The following DPPA4 variants were observed in gnomAD, a reference collection of about 807,000 sequenced individuals.
The protein encoded by DPPA4 is developmental pluripotency associated 4, also known as developmental pluripotency-associated protein 4.
A neutral mutation model predicts 33.7 loss-of-function variants in DPPA4; 22 were observed. That is an observed-to-expected ratio of 0.65 (90% CI 0.47 to 0.93). The LOEUF (loss-of-function observed/expected upper bound fraction) is 0.93. Ranked by LOEUF, DPPA4 falls within the 40% of genes least tolerant of loss-of-function variation. DPPA4 has a pLI of 0.00. For missense variants in DPPA4, 340 were observed against 358.6 expected (o/e 0.95, Z 0.42); for synonymous variants, 156 against 132.3 (o/e 1.18, Z -1.23).
intron 1 of DPPA4, among the ~76,000 whole-genome samples, chr3:109,336,723 A>C (rs1475275726): frequency 2.6e-5 from 4 of 152,030 alleles, no homozygotes; most frequent in Non-Finnish European, 5.9e-5. Context: ...TCAAAACAGA[A>C]AACCCGGGCC....
intron 4 of DPPA4, among the ~76,000 whole-genome samples, 170 bp downstream of exon 4, chr3:109,331,564 A>AAAAAAAAAAAAAAAAAAAG (rs1559708949): frequency 1.9e-5 from 2 of 106,108 alleles, no homozygotes; most frequent in Non-Finnish European, 1.9e-5. Flanking sequence ...AAAAAAAAAA[A>AAAAAAAAAAAAAAAAAAAG]AAAGAAAGAA....
rs16834356 is a variant in DPPA4 at position 109,330,660 on chromosome 3, A to G, written c.543T>C (p.Asn181=). The G allele has an allele frequency of 1.5e-3, 2,435 of 1,614,070 alleles. 36 individuals carry two copies. In the African/African-American group the frequency reaches 0.027, roughly 18 times the overall value. The change falls in exon 5 of 7, where the codon AAT becomes AAC. Residue 181 remains asparagine, a synonymous_variant. Coordinates refer to ENST00000335658, the MANE Select transcript of DPPA4 (RefSeq NM_018189.4). ...TAACTCCCTCAAGGAGAGCAGTGGA[A>G]TTTTCCAGGGCAGGCGGCTCCCCCA... is the stretch of plus-strand genomic sequence containing the variant. ...PPVGEPPALE[N]STALLEGVNT... is the part of the protein sequence containing the mutation.
chr3:109,330,673 G>A lies in DPPA4; in HGVS notation c.530C>T (p.Pro177Leu). ...EVALPPVGEP[P>L]ALENSTALLE... ...GAGAGCAGTGGAATTTTCCAGGGCA[G>A]GCGGCTCCCCCACAGGAGGAAGAGC... The change falls in exon 5 of 7, where the codon CCT becomes CTT. Residue 177 changes from proline (P) to leucine (L), a missense_variant. Pro to Leu is a moderately conservative substitution (Grantham distance 98, BLOSUM62 -3). Around this residue, in one of 3 missense-constraint regions of DPPA4, gnomAD observed 212 missense variants for 206.5 expected, o/e 1.03. Transcript: ENST00000335658. 3.7e-6 allele frequency: 6 copies of A among 1,614,198 alleles called. No homozygotes were observed. Among genetic ancestry groups the A allele is most frequent in the South Asian group, 3.3e-5 (3 of 91,086 alleles).
At position 109,330,660 on chromosome 3, in the gene DPPA4, A is replaced by C. The variant is rs16834356; in HGVS notation, c.543T>G (p.Asn181Lys). 1 of 1,614,070 alleles carries C rather than the reference A, an allele frequency of 6.2e-7. No individual in the cohort carries two copies. The highest frequency in any genetic ancestry group is 8.5e-7 in the Non-Finnish European group (1 of 1,180,020). Residue 181 changes from asparagine to lysine, a missense_variant, in exon 5 of 7, where the codon AAT becomes AAG. Physicochemically the swap from Asn to Lys is moderately conservative, Grantham distance 94. Transcript: ENST00000335658. ...PPVGEPPALE[N>K]STALLEGVNT... is the part of the protein sequence containing the mutation. The stretch of plus-strand genomic sequence containing the variant: ...TAACTCCCTCAAGGAGAGCAGTGGA[A>C]TTTTCCAGGGCAGGCGGCTCCCCCA...
chr3:109,328,071 T>C (rs1707976291), intron 6 of DPPA4, 47 bp from the exon 7 acceptor site: 3 of 1,272,120 alleles, frequency 2.4e-6, no homozygotes, highest in Non-Finnish European at 3.4e-6. Flanking sequence ...TGAAGAAATA[T>C]TAAAAATAGC....
At position 109,330,665 on chromosome 3, in the gene DPPA4, C is replaced by T. The variant is rs769774536; in HGVS notation, c.538G>A (p.Glu180Lys). ...LPPVGEPPALENSTALLEGVN... is the reference protein window; with the variant it reads ...LPPVGEPPALKNSTALLEGVN... ...CCCTCAAGGAGAGCAGTGGAATTTTCCAGGGCAGGCGGCTCCCCCACAGGA... is the reference window on the plus strand; with the variant it reads ...CCCTCAAGGAGAGCAGTGGAATTTTTCAGGGCAGGCGGCTCCCCCACAGGA... The change falls in exon 5 of 7, where the codon GAA becomes AAA. Residue 180 changes from glutamate (E) to lysine (K), a missense_variant. By Grantham distance (56) the Glu-to-Lys change is moderately conservative. Coordinates refer to ENST00000335658, the MANE Select transcript of DPPA4 (RefSeq NM_018189.4). 1 of 1,614,146 alleles carries T rather than the reference C, an allele frequency of 6.2e-7. No homozygotes were observed. The highest frequency in any genetic ancestry group is 2.2e-5 in the East Asian group (1 of 44,858).
rs1042219799 is a variant in DPPA4 at position 109,326,856 on chromosome 3, A to G, written c.*1132T>C. The G allele has an allele frequency of 2.0e-5, 3 of 152,182 alleles. No individual in the cohort carries two copies. Among genetic ancestry groups the G allele is most frequent in the Non-Finnish European group, 2.9e-5 (2 of 68,028 alleles). The allele number at this position is 152,182 out of a possible 1,614,324, so 9.4% of individuals were successfully genotyped here. A position where few individuals can be genotyped will look rare whatever the true frequency, so the allele number is the denominator to read the frequency against. On this transcript the variant is annotated 3_prime_UTR_variant, in exon 7 of 7. Coordinates refer to ENST00000335658, the MANE Select transcript of DPPA4 (RefSeq NM_018189.4). ...ACGAGTCATACAAAAGAAAAATCAC[A>G]CTTTTTGGTTTACTCCTACTTGAGT...
chr3:109,328,585 C>A (rs1469158265), intron 6 of DPPA4, among the ~76,000 whole-genome samples: 1 of 152,126 alleles, frequency 6.6e-6, no homozygotes, highest in Non-Finnish European at 1.5e-5. Context: ...CTGTAGGCTA[C>A]TTAAAGGAAG....
intron 2 of DPPA4, among the ~76,000 whole-genome samples, chr3:109,332,888 T>TG (rs1369050832): frequency 6.6e-6 from 1 of 152,114 alleles, no homozygotes; most frequent in Non-Finnish European, 1.5e-5. Context: ...GGTCAGGAGT[T>TG]GGAGATCAGC....
intron 4 of DPPA4, among the ~76,000 whole-genome samples, chr3:109,331,280 A>AAAAAGAAAGAAAAGAAAAGAAAAGAAATG (rs1708067973): frequency 6.8e-6 from 1 of 147,150 alleles, no homozygotes; most frequent in South Asian, 2.1e-4. Context: ...AAAAAAAAAA[A>AAAAAGAAAGAAAAGAAAAGAAAAGAAATG]AAAAGAAAGA....
chr3:109,330,153 T>C (rs1346602404), intron 5 of DPPA4: 15 of 269,640 alleles, frequency 5.6e-5, no homozygotes, highest in Admixed American at 3.0e-4. Flanking sequence ...AAGACAACAT[T>C]AGCCGGGCAT....
intron 2 of DPPA4, 58 bp downstream of exon 2, chr3:109,333,812 A>G: frequency 6.3e-7 from 1 of 1,588,964 alleles, no homozygotes; most frequent in Admixed American, 1.8e-5. Flanking sequence ...CTTCAGAAAA[A>G]TTCCTCTGGC....
At chr3:109,334,562 T>C (rs761992505) in intron 1 of DPPA4, among the ~76,000 whole-genome samples, 8 of 152,028 alleles carry the variant, frequency 5.3e-5, no homozygotes, top group African/African-American at 9.7e-5. Context: ...TTAACTCACT[T>C]ACTATATTCC....
chr3:109,332,818 C>T (rs1330044716), intron 2 of DPPA4, among the ~76,000 whole-genome samples: 1 of 152,148 alleles, frequency 6.6e-6, no homozygotes, highest in Non-Finnish European at 1.5e-5. Flanking sequence ...TCTGGCTGGG[C>T]GCAGTGGCTC....
intron 1 of DPPA4, among the ~76,000 whole-genome samples, chr3:109,335,481 T>A (rs985963769): frequency 1.3e-5 from 2 of 152,172 alleles, no homozygotes; most frequent in African/African-American, 4.8e-5. Context: ...CCGGCTGTAG[T>A]GCAGTGGTCC....
At chr3:109,336,530 TTC>T (rs1221236841) in intron 1 of DPPA4, 1 of 152,174 alleles carries the variant, frequency 6.6e-6, no homozygotes, top group Non-Finnish European at 1.5e-5. Flanking sequence ...GACGAATTCA[TTC>T]TCAGCACCCT....
chr3:109,333,805 C>T, intron 2 of DPPA4, 65 bp downstream of exon 2: 2 of 1,574,952 alleles, frequency 1.3e-6, no homozygotes, highest in Non-Finnish European at 1.7e-6. Context: ...TTTTCTTCTT[C>T]AGAAAAATTC....
chr3:109,339,145 C>T (rs59757001), upstream of DPPA4, among the ~76,000 whole-genome samples: 61 of 141,816 alleles, frequency 4.3e-4, 1 homozygote, highest in African/African-American at 1.8e-3. Context: ...GAGTCAAGAT[C>T]GTGCCATTGC....
upstream of DPPA4, among the ~76,000 whole-genome samples, chr3:109,338,882 C>T (rs1272406807): frequency 1.3e-5 from 2 of 151,034 alleles, no homozygotes; most frequent in African/African-American, 2.5e-5. Context: ...TGTAATTGAA[C>T]GTAACATTCA....
Sources: allele counts gnomAD v4.1 joint callset (sites outside exome capture counted in the v4.1 genomes callset), GRCh38; gene constraint gnomAD v4.1.1; regional missense constraint gnomAD v4.1.1; transcripts MANE v1.5; gene names NCBI Gene and HGNC (gene_info 2026-07-23, HGNC 2026-07-21).